PCDHGA1: variants seen among roughly 807,000 people sequenced by gnomAD.
PCDHGA1 encodes protocadherin gamma-A1.
PCDHGA1 carries 32 observed loss-of-function variants against 58.0 expected under a neutral mutation model. The ratio of observed to expected loss-of-function variants is 0.55; its 90% CI spans 0.42 to 0.74. The LOEUF is 0.74. PCDHGA1 is among the 30% of genes least tolerant of loss of function. The probability of loss-of-function intolerance (pLI) is 0.00; values close to 1 mark genes in which losing one functional copy is unlikely to be tolerated. For synonymous variants in PCDHGA1, 498 were observed against 501.1 expected, an observed-to-expected ratio of 0.99 and a Z score of 0.08; for missense variants, 1,205 against 1,182.3, an observed-to-expected ratio of 1.02 and a Z score of -0.28.
intron 1 of PCDHGA1, chr5:141,371,355 G>A (rs369960328): frequency 1.2e-6 from 2 of 1,613,974 alleles, no homozygotes; most frequent in Non-Finnish European, 8.5e-7. Context: ...TGGGGTGGAA[G>A]CAAAGGATGG....
At chr5:141,453,852 T>A (rs905734700) in intron 1 of PCDHGA1, among the ~76,000 whole-genome samples, 5 of 152,164 alleles carry the variant, frequency 3.3e-5, no homozygotes, top group African/African-American at 1.2e-4. Context: ...ACAGAGCACT[T>A]TGAAAATAAC....
chr5:141,357,077 T>C (rs1040495853), intron 1 of PCDHGA1: 1 of 1,613,842 alleles, frequency 6.2e-7, no homozygotes, highest in African/African-American at 1.3e-5. Flanking sequence ...ACAGGCGAGG[T>C]GCGCACCGCA....
In PCDHGA1 at chr5:141,477,244, G is replaced by T. The variant is rs367944211; in HGVS notation, c.2422-17563G>T. On this transcript the variant is annotated intron_variant, in intron 1 of 3. Coordinates refer to ENST00000517417, the MANE Select transcript of PCDHGA1 (RefSeq NM_018912.3). The surrounding 1 kb of genome is among the most constrained non-coding windows in gnomAD (Gnocchi z 4.9). ...GGACTGTCATCGCTTTGCTCAGTGT[G>T]ACTGACCTGGATGCTGGCGAGAACG... 9 of 1,614,190 alleles carry T rather than the reference G, an allele frequency of 5.6e-6. No homozygotes were observed. Among genetic ancestry groups the T allele is most frequent in the Non-Finnish European group, 7.6e-6 (9 of 1,180,052 alleles).
intron 1 of PCDHGA1, among the ~76,000 whole-genome samples, chr5:141,386,562 A>G (rs979902403): frequency 3.0e-4 from 45 of 152,130 alleles, no homozygotes; most frequent in Non-Finnish European, 4.7e-4. Context: ...TATTTTGCAC[A>G]TGATAGACTC....
intron 1 of PCDHGA1, chr5:141,389,622 G>A: frequency 6.2e-7 from 1 of 1,612,970 alleles, no homozygotes; most frequent in Non-Finnish European, 8.5e-7. Flanking sequence ...GCCGCACGCT[G>A]CAGAGCCTGG....
Position 141,477,468 on chromosome 5 carries a change from A to G in PCDHGA1, c.2422-17339A>G. ...GTGCGTGTTCAAGTGTCCGACATCA[A>G]TGACAACCCTCCACAATCTTCTCAA... is the stretch of plus-strand genomic sequence containing the variant. On this transcript the variant is annotated intron_variant, in intron 1 of 3. Transcript: ENST00000517417. This position sits in a 1 kb window ranked among gnomAD's most constrained non-coding sequence, Gnocchi z 4.9. 6.2e-7 allele frequency: 1 copy of G among 1,614,158 alleles called. No homozygotes were observed. Among genetic ancestry groups the G allele is most frequent in the Non-Finnish European group, 8.5e-7 (1 of 1,180,022 alleles).
chr5:141,478,382 C>A (rs1287807889), intron 1 of PCDHGA1: 2 of 1,613,552 alleles, frequency 1.2e-6, no homozygotes, highest in South Asian at 2.2e-5. Flanking sequence ...GTCGCCGCAC[C>A]TTTACCATCA....
At chr5:141,383,550 C>T (rs1475330366) in intron 1 of PCDHGA1, 3 of 1,611,980 alleles carry the variant, frequency 1.9e-6, no homozygotes, top group Non-Finnish European at 1.7e-6. Flanking sequence ...CCTCTGATGG[C>T]GGCGACCCGC....
chr5:141,397,862 G>A (rs956658469), intron 1 of PCDHGA1: 5 of 566,952 alleles, frequency 8.8e-6, no homozygotes, highest in African/African-American at 7.5e-5. Flanking sequence ...TAGTTTCCTA[G>A]TGCTGACTCT....
At chr5:141,363,452 C>G (rs1031596870) in intron 1 of PCDHGA1, among the ~76,000 whole-genome samples, 2 of 152,196 alleles carry the variant, frequency 1.3e-5, no homozygotes, top group Non-Finnish European at 2.9e-5. Context: ...CAGTACTTCT[C>G]GACAAGTATC....
intron 1 of PCDHGA1, chr5:141,415,740 GTTTTTT>G (rs57426385): frequency 0.053 from 32,266 of 613,620 alleles, 66 homozygotes; most frequent in South Asian, 0.061. Flanking sequence ...GTTTATTAAG[GTTTTTT>G]TTTTTTTTTT....
chr5:141,504,496 G>C (rs2099838771), intron 2 of PCDHGA1, among the ~76,000 whole-genome samples: 1 of 152,100 alleles, frequency 6.6e-6, no homozygotes, highest in Non-Finnish European at 1.5e-5. Flanking sequence ...CACCTGCCCA[G>C]TCTGAGTGGA....
chr5:141,509,575 T>C (rs186302231), intron 3 of PCDHGA1, among the ~76,000 whole-genome samples: 153 of 152,320 alleles, frequency 1.0e-3, no homozygotes, highest in African/African-American at 3.7e-3. Flanking sequence ...TCACAGTGCG[T>C]ACAAATCAGC....
chr5:141,450,899 A>C (rs1045595271), intron 1 of PCDHGA1, among the ~76,000 whole-genome samples: 1 of 149,514 alleles, frequency 6.7e-6, no homozygotes, highest in Non-Finnish European at 1.5e-5. Context: ...ATATCGGCTC[A>C]CTGCAACCGC....
chr5:141,354,286 T>C (rs575279335), intron 1 of PCDHGA1, among the ~76,000 whole-genome samples: 1 of 152,360 alleles, frequency 6.6e-6, no homozygotes, highest in East Asian at 1.9e-4. Context: ...TGGTCATTCA[T>C]GAAACATTGA....
intron 1 of PCDHGA1, chr5:141,359,969 T>G: frequency 3.0e-6 from 2 of 675,724 alleles, no homozygotes; most frequent in Non-Finnish European, 4.4e-6. Context: ...GAGAAGCGTT[T>G]GGGAGCCTCT....
intron 1 of PCDHGA1, among the ~76,000 whole-genome samples, chr5:141,363,769 G>A (rs1354006862): frequency 6.6e-6 from 1 of 152,102 alleles, no homozygotes; most frequent in Non-Finnish European, 1.5e-5. Context: ...AAATAAGCAC[G>A]TTTTCCTAAA....
At chr5:141,383,865 A>C in intron 1 of PCDHGA1, 3 of 1,614,012 alleles carry the variant, frequency 1.9e-6, no homozygotes, top group Non-Finnish European at 2.5e-6. Context: ...TTCAGGCTCA[A>C]GATGGTCCTG....
intron 2 of PCDHGA1, 54 bp downstream of exon 2, chr5:141,494,919 T>A: frequency 6.2e-7 from 1 of 1,613,926 alleles, no homozygotes; most frequent in South Asian, 1.1e-5. Flanking sequence ...TTCTCAGGGA[T>A]GACGTGGGAG....
Sources: allele counts gnomAD v4.1 joint callset (sites outside exome capture counted in the v4.1 genomes callset), GRCh38; gene constraint gnomAD v4.1.1; non-coding constraint Gnocchi (gnomAD v3.1); transcripts MANE v1.5; gene names NCBI Gene and HGNC (gene_info 2026-07-23, HGNC 2026-07-21).